Variants in STARD13 observed in about 807,000 individuals in gnomAD.
The protein encoded by STARD13 is stAR-related lipid transfer protein 13.
STARD13 carries 62 observed loss-of-function variants against 106.4 expected under a neutral mutation model. That is an observed-to-expected ratio of 0.58 (90% CI 0.48 to 0.72). The LOEUF (loss-of-function observed/expected upper bound fraction) is 0.72, where lower values mean the gene tolerates loss of function less well. Ranked by LOEUF, STARD13 falls within the 30% of genes least tolerant of loss-of-function variation. STARD13 has a pLI of 0.00. For synonymous variants in STARD13, 565 were observed against 553.0 expected (o/e 1.02, Z -0.31); for missense variants, 1,387 against 1,424.0 (o/e 0.97, Z 0.42).
the STARD13 span, among the ~76,000 whole-genome samples, chr13:33,618,133 G>A: frequency 1.3e-5 from 2 of 152,168 alleles, no homozygotes; most frequent in Non-Finnish European, 2.9e-5. Flanking sequence ...AAAATGATAG[G>A]ATACTCTAAA....
intron 3 of STARD13, chr13:33,158,553 T>C (rs1882250248): frequency 6.6e-6 from 1 of 152,192 alleles, no homozygotes; most frequent in Admixed American, 6.5e-5. Flanking sequence ...AATACATACA[T>C]GAAATGTAGA....
At chr13:33,407,264 G>C in the STARD13 span, among the ~76,000 whole-genome samples, 1 of 152,178 alleles carries the variant, frequency 6.6e-6, no homozygotes, top group Non-Finnish European at 1.5e-5. Context: ...TGCTGTAAAG[G>C]CCTGTCACTA....
the STARD13 span, among the ~76,000 whole-genome samples, chr13:33,473,090 T>C: frequency 5.8e-4 from 88 of 152,288 alleles, no homozygotes; most frequent in Non-Finnish European, 1.0e-3. Flanking sequence ...AACTTCCTAG[T>C]TGGCTTGTTG....
At chr13:33,565,667 C>T in the STARD13 span, among the ~76,000 whole-genome samples, 5 of 147,786 alleles carry the variant, frequency 3.4e-5, no homozygotes, top group African/African-American at 5.0e-5. Context: ...CCTGTAGGCT[C>T]ATACAGATCA....
the STARD13 span, among the ~76,000 whole-genome samples, chr13:33,494,787 A>G: frequency 5.3e-5 from 8 of 152,234 alleles, no homozygotes; most frequent in South Asian, 1.0e-3. Context: ...ACTTAGGACA[A>G]TTGCCAGAGA....
the STARD13 span, among the ~76,000 whole-genome samples, chr13:33,560,721 C>G: frequency 1.3e-5 from 2 of 151,474 alleles, no homozygotes; most frequent in Admixed American, 6.6e-5. Context: ...CATTGCCCAT[C>G]TTTAATTTAA....
At chr13:33,296,435 C>CGT (rs1555259296) in intron 1 of STARD13, among the ~76,000 whole-genome samples, 299 of 151,098 alleles carry the variant, frequency 2.0e-3, no homozygotes, top group African/African-American at 6.9e-3. Flanking sequence ...CATAGTGACA[C>CGT]GTGTGTGTGT....
chr13:33,431,159 T>C, the STARD13 span, among the ~76,000 whole-genome samples: 1 of 152,204 alleles, frequency 6.6e-6, no homozygotes, highest in Non-Finnish European at 1.5e-5. Flanking sequence ...TATGAATGTA[T>C]TAAATTATCA....
intron 3 of STARD13, among the ~76,000 whole-genome samples, chr13:33,147,792 G>A (rs939609014): frequency 2.6e-5 from 4 of 152,180 alleles, no homozygotes; most frequent in Non-Finnish European, 4.4e-5. Context: ...GGCAAAACTG[G>A]AGGACTGACA....
chr13:33,470,898 T>A, the STARD13 span, among the ~76,000 whole-genome samples: 1 of 152,248 alleles, frequency 6.6e-6, no homozygotes, highest in African/African-American at 2.4e-5. Flanking sequence ...GATGATAGTT[T>A]ATTTTGGTGT....
the STARD13 span, among the ~76,000 whole-genome samples, chr13:33,391,365 G>T: frequency 6.6e-6 from 1 of 152,112 alleles, no homozygotes; most frequent in South Asian, 2.1e-4. Flanking sequence ...TGTGCAATTT[G>T]TTTTAAAATC....
chr13:33,238,453 A>G (rs964613291), intron 1 of STARD13, among the ~76,000 whole-genome samples: 1 of 152,196 alleles, frequency 6.6e-6, no homozygotes, highest in Non-Finnish European at 1.5e-5. Context: ...GTGATAAAAA[A>G]GTTTACATTA....
chr13:33,544,378 GTGCCAC>G, the STARD13 span, among the ~76,000 whole-genome samples: 1 of 152,328 alleles, frequency 6.6e-6, no homozygotes, highest in East Asian at 1.9e-4. Context: ...AATTCTGACT[GTGCCAC>G]TGCCTTTATT....
At chr13:33,651,631 C>G in the STARD13 span, among the ~76,000 whole-genome samples, 1 of 152,212 alleles carries the variant, frequency 6.6e-6, no homozygotes, top group Non-Finnish European at 1.5e-5. Flanking sequence ...ATGTCTGGCA[C>G]AAGATTTTTA....
chr13:33,180,951 C>G (rs937007341), intron 1 of STARD13, among the ~76,000 whole-genome samples: 1 of 152,096 alleles, frequency 6.6e-6, no homozygotes, highest in Non-Finnish European at 1.5e-5. Flanking sequence ...TGAAGTCTAT[C>G]TTGCTCAATT....
At chr13:33,113,648 T>C (rs1874944652) in intron 8 of STARD13, 3 of 468,806 alleles carry the variant, frequency 6.4e-6, no homozygotes, top group South Asian at 3.1e-5. Flanking sequence ...TTTATGGAAA[T>C]GGAGGCTGTG....
At chr13:33,201,161 T>C (rs1027606916) in intron 1 of STARD13, among the ~76,000 whole-genome samples, 7 of 152,216 alleles carry the variant, frequency 4.6e-5, no homozygotes, top group African/African-American at 1.4e-4. Context: ...GAAATGTTCC[T>C]GCCCACTAGC....
chr13:33,499,653 T>C, the STARD13 span, among the ~76,000 whole-genome samples: 5 of 144,152 alleles, frequency 3.5e-5, no homozygotes, highest in Non-Finnish European at 7.5e-5. Context: ...CTTCTCCTTC[T>C]TCTTCTTCTT....
intron 1 of STARD13, among the ~76,000 whole-genome samples, chr13:33,324,453 A>G (rs1893668086): frequency 1.3e-5 from 2 of 152,236 alleles, no homozygotes; most frequent in African/African-American, 2.4e-5. Context: ...GGATTTTGTA[A>G]TCGTGTATCT....
Sources: allele counts gnomAD v4.1 joint callset (sites outside exome capture counted in the v4.1 genomes callset), GRCh38; gene constraint gnomAD v4.1.1; transcripts MANE v1.5; gene names NCBI Gene and HGNC (gene_info 2026-07-23, HGNC 2026-07-21).